Variants in NRXN1 observed in about 807,000 individuals in gnomAD.
The protein encoded by NRXN1 is neurexin 1.
A neutral mutation model predicts 150.9 loss-of-function variants in NRXN1; 39 were observed. The ratio of observed to expected loss-of-function variants is 0.26; its 90% confidence interval spans 0.20 to 0.34. The LOEUF (loss-of-function observed/expected upper bound fraction) is 0.34, where lower values mean the gene tolerates loss of function less well. Ranked by LOEUF, NRXN1 falls within the 10% of genes least tolerant of loss-of-function variation. The pLI is 1.00. For missense variants in NRXN1, 1,815 were observed against 1,949.9 expected (o/e 0.93, Z 1.30); for synonymous variants, 924 against 757.0 (o/e 1.22, Z -3.62).
intron 8 of NRXN1, among the ~76,000 whole-genome samples, chr2:50,607,197 C>T (rs550146041): frequency 1.3e-5 from 2 of 151,986 alleles, no homozygotes; most frequent in African/African-American, 4.8e-5. Flanking sequence ...CAAAGCCTGC[C>T]GCCAGCTCAC....
chr2:51,024,688 AT>A (rs1338139802), intron 2 of NRXN1, among the ~76,000 whole-genome samples: 1 of 152,132 alleles, frequency 6.6e-6, no homozygotes, highest in Non-Finnish European at 1.5e-5. Context: ...TAATATTTTT[AT>A]TATCTTATTA....
chr2:50,882,764 A>G (rs1295662822), intron 5 of NRXN1, among the ~76,000 whole-genome samples: 1 of 151,868 alleles, frequency 6.6e-6, no homozygotes, highest in Non-Finnish European at 1.5e-5. Flanking sequence ...ATAAATTATT[A>G]TGTACCTTTA....
At chr2:50,488,315 C>G (rs928201449) in intron 15 of NRXN1, among the ~76,000 whole-genome samples, 3 of 152,200 alleles carry the variant, frequency 2.0e-5, no homozygotes, top group South Asian at 2.1e-4. Context: ...ATCAAATGTA[C>G]TCTTCCAAGA....
chr2:50,615,325 T>C (rs1021559437), intron 8 of NRXN1: 2 of 152,158 alleles, frequency 1.3e-5, no homozygotes, highest in Admixed American at 6.6e-5. Flanking sequence ...AGCAGGTACA[T>C]ATGACTAAAA....
At chr2:50,463,616 T>C (rs1211121047) in intron 17 of NRXN1, among the ~76,000 whole-genome samples, 2 of 151,762 alleles carry the variant, frequency 1.3e-5, no homozygotes, top group African/African-American at 4.8e-5. Context: ...AAAATAGTTT[T>C]CTGTAAAAAT....
chr2:50,412,769 T>C lies in NRXN1; in HGVS notation c.3364+52673A>G, dbSNP rs17040616. On this transcript the variant is annotated intron_variant, in intron 17 of 22. Coordinates refer to ENST00000401669, the MANE Select transcript of NRXN1 (RefSeq NM_001330078.2). ...AGATATATGACAGACATACCTTTTTTCCACACATCTACAATGATACAATGA... is the reference window on the plus strand; with the variant it reads ...AGATATATGACAGACATACCTTTTTCCCACACATCTACAATGATACAATGA... Among the ~76,000 whole-genome samples the C allele has an allele frequency of 3.2e-3, 493 of 152,266 alleles. 3 individuals carry two copies. Among genetic ancestry groups the C allele is most frequent in the African/African-American group, 0.011 (471 of 41,548 alleles).
chr2:50,079,114 T>C (rs1697531677), intron 19 of NRXN1, among the ~76,000 whole-genome samples: 1 of 152,086 alleles, frequency 6.6e-6, no homozygotes, highest in African/African-American at 2.4e-5. Flanking sequence ...TTCAGTTACT[T>C]GTTTATATCT....
chr2:50,889,089 C>T (rs1446716291), intron 5 of NRXN1, among the ~76,000 whole-genome samples: 2 of 151,650 alleles, frequency 1.3e-5, no homozygotes, highest in East Asian at 1.9e-4. Context: ...ACAACTTGAT[C>T]ATTTCTCAGT....
intron 8 of NRXN1, among the ~76,000 whole-genome samples, chr2:50,590,366 C>T (rs1191188438): frequency 6.6e-6 from 1 of 151,982 alleles, no homozygotes; most frequent in East Asian, 1.9e-4. Flanking sequence ...TATAATATTG[C>T]TTATGAACTA....
chr2:50,335,530 C>T (rs1374265908), intron 17 of NRXN1, among the ~76,000 whole-genome samples: 1 of 152,192 alleles, frequency 6.6e-6, no homozygotes, highest in Non-Finnish European at 1.5e-5. Context: ...CCCACCACCC[C>T]CTGCCGTTAT....
chr2:50,178,503 C>G (rs1335617536), intron 18 of NRXN1, among the ~76,000 whole-genome samples: 2 of 151,962 alleles, frequency 1.3e-5, no homozygotes, highest in African/African-American at 2.4e-5. Context: ...AAAACAGAAC[C>G]TACAGAAGGT....
chr2:50,746,175 T>C (rs1250469489), intron 5 of NRXN1, among the ~76,000 whole-genome samples: 6 of 152,054 alleles, frequency 3.9e-5, no homozygotes, highest in African/African-American at 1.4e-4. Flanking sequence ...TTGTACATTA[T>C]TACCTACCTC....
At chr2:50,359,778 G>A (rs1242965944) in intron 17 of NRXN1, among the ~76,000 whole-genome samples, 3 of 152,002 alleles carry the variant, frequency 2.0e-5, no homozygotes, top group South Asian at 4.1e-4. Flanking sequence ...TACTCCTCAA[G>A]AAGAGCAACC....
At chr2:50,704,511 T>G (rs1001056107) in intron 5 of NRXN1, among the ~76,000 whole-genome samples, 3 of 151,838 alleles carry the variant, frequency 2.0e-5, no homozygotes, top group Non-Finnish European at 4.4e-5. Flanking sequence ...GCTAAAAATC[T>G]GAAAATTGAA....
At chr2:50,565,559 T>C (rs919669414) in intron 8 of NRXN1, among the ~76,000 whole-genome samples, 3 of 152,296 alleles carry the variant, frequency 2.0e-5, no homozygotes, top group Non-Finnish European at 2.9e-5. Context: ...TATCCTGACA[T>C]GTCTTCTGAG....
At position 50,481,870 on chromosome 2, in the gene NRXN1, A is replaced by G. The variant is rs980226761; in HGVS notation, c.3071-9399T>C. On this transcript the variant is annotated intron_variant, in intron 15 of 22. Transcript: ENST00000401669. ...AAGCTCCGCCTCCCGGGTTCACGCT[A>G]TTCTCCTGCCTCAGCCTCCCAAGTA... Among the ~76,000 whole-genome samples the G allele has an allele frequency of 1.1e-4, 14 of 127,298 alleles. No homozygotes were observed. In the East Asian group the frequency reaches 1.8e-3, roughly 16 times the overall value. The allele number at this position is 127,298 out of a possible 152,430, so 83.5% of individuals were successfully genotyped here.
At chr2:50,624,898 G>C (rs982199154) in intron 5 of NRXN1, 23 of 152,054 alleles carry the variant, frequency 1.5e-4, no homozygotes, top group African/African-American at 5.6e-4. Flanking sequence ...TTCTCCCACT[G>C]ATGAGGTGAG....
intron 17 of NRXN1, among the ~76,000 whole-genome samples, chr2:50,434,684 C>A (rs1473703466): frequency 6.6e-6 from 1 of 152,054 alleles, no homozygotes; most frequent in Non-Finnish European, 1.5e-5. Context: ...AAAAAAATTT[C>A]TTTGTTCACT....
At chr2:50,954,161 T>C (rs930223915) in intron 2 of NRXN1, among the ~76,000 whole-genome samples, 2 of 152,222 alleles carry the variant, frequency 1.3e-5, no homozygotes, top group African/African-American at 4.8e-5. Context: ...ATAGGAATTA[T>C]ATATATCAAA....
Sources: allele counts gnomAD v4.1 joint callset (sites outside exome capture counted in the v4.1 genomes callset), GRCh38; gene constraint gnomAD v4.1.1; transcripts MANE v1.5; gene names NCBI Gene and HGNC (gene_info 2026-07-23, HGNC 2026-07-21).